SEMA6D: variants seen among roughly 807,000 people sequenced by gnomAD.
SEMA6D encodes the protein semaphorin 6D.
In SEMA6D, 35 loss-of-function variants were observed where a neutral mutation model predicts 106.6. That is an observed-to-expected ratio of 0.33 (90% confidence interval 0.25 to 0.44). The LOEUF (loss-of-function observed/expected upper bound fraction) is 0.44, where lower values mean the gene tolerates loss of function less well. SEMA6D is among the 20% of genes least tolerant of loss of function. The pLI, the probability that SEMA6D is intolerant of heterozygous loss-of-function variation, is 1.00. For synonymous variants in SEMA6D, 499 were observed against 487.7 expected (o/e 1.02, Z -0.31); for missense variants, 1,185 against 1,345.9 (o/e 0.88, Z 1.87).
intron 4 of SEMA6D, among the ~76,000 whole-genome samples, chr15:47,642,036 C>T (rs184754317): frequency 4.6e-5 from 7 of 152,270 alleles, no homozygotes; most frequent in South Asian, 4.1e-4. Flanking sequence ...GGTAGCCACT[C>T]GGTAAATGTT....
intron 3 of SEMA6D, among the ~76,000 whole-genome samples, chr15:47,534,648 G>A (rs1489314965): frequency 6.6e-6 from 1 of 152,070 alleles, no homozygotes; most frequent in African/African-American, 2.4e-5. Flanking sequence ...GCTTGGTCTG[G>A]CAGTATCCCA....
chr15:47,737,632 G>T (rs1423508796), intron 1 of SEMA6D, among the ~76,000 whole-genome samples: 1 of 151,898 alleles, frequency 6.6e-6, no homozygotes, highest in African/African-American at 2.4e-5. Context: ...CTGAATGATT[G>T]CATCATATTT....
chr15:47,761,889 A>C, intron 7 of SEMA6D, 138 bp downstream of exon 7: 1 of 768,192 alleles, frequency 1.3e-6, no homozygotes, highest in Non-Finnish European at 2.0e-6. Context: ...CTATGCACAA[A>C]TTTCCAAAAA....
chr15:47,766,625 A>ATCC lies in SEMA6D; in HGVS notation c.1657_1658insCCT (p.Gly552_Tyr553insSer). The ATCC allele has an allele frequency of 6.2e-7, 1 of 1,613,048 alleles. No individual in the cohort carries two copies. The highest frequency in any genetic ancestry group is 8.5e-7 in the Non-Finnish European group (1 of 1,179,300). ...CTTTCCATAACCACAGTGCTGAAGG[A>ATCC]TATGAACAAGACACAGAATTCGGCA... On this transcript the variant is annotated inframe_insertion, in exon 16 of 19. Coordinates refer to ENST00000536845, the MANE Select transcript of SEMA6D (RefSeq NM_001358351.3).
At chr15:47,625,921 C>T (rs2144351898) in intron 4 of SEMA6D, among the ~76,000 whole-genome samples, 1 of 152,050 alleles carries the variant, frequency 6.6e-6, no homozygotes, top group East Asian at 1.9e-4. Context: ...CTAAAGTAAC[C>T]ATATCTTATT....
chr15:47,209,699 C>T (rs1353283645), intron 1 of SEMA6D, among the ~76,000 whole-genome samples: 7 of 152,242 alleles, frequency 4.6e-5, no homozygotes, highest in Middle Eastern at 3.4e-3. Flanking sequence ...CCCTGGTCCC[C>T]GTCGCCTCTC....
intron 2 of SEMA6D, among the ~76,000 whole-genome samples, chr15:47,450,635 C>T (rs1032432401): frequency 2.6e-5 from 4 of 151,994 alleles, no homozygotes; most frequent in African/African-American, 9.7e-5. Flanking sequence ...ATAAGGTGAC[C>T]TCAAGTGTCC....
intron 3 of SEMA6D, among the ~76,000 whole-genome samples, chr15:47,584,843 C>A (rs2076310073): frequency 6.6e-6 from 1 of 152,080 alleles, no homozygotes; most frequent in African/African-American, 2.4e-5. Context: ...TTTTGAAAAC[C>A]AGACCATGCT....
chr15:47,308,573 C>T (rs2036319129), intron 1 of SEMA6D, among the ~76,000 whole-genome samples: 1 of 152,132 alleles, frequency 6.6e-6, no homozygotes, highest in African/African-American at 2.4e-5. Flanking sequence ...GGTCCAAAGG[C>T]TCTTTGGCAG....
At chr15:47,331,124 T>C (rs1029101840) in intron 1 of SEMA6D, among the ~76,000 whole-genome samples, 2 of 152,192 alleles carry the variant, frequency 1.3e-5, no homozygotes, top group African/African-American at 4.8e-5. Flanking sequence ...CAGTATACTC[T>C]ACCACATCTC....
chr15:47,710,924 C>T lies in SEMA6D; in HGVS notation c.-54-48821C>T, dbSNP rs187150681. On this transcript the variant is annotated intron_variant, in intron 4 of 19. Transcript: ENST00000558014. ...CTTCTAGAAGACAGCCACCAAGGAA[C>T]ATACCCTAGCAATTGTCAAATGAAT... is the stretch of plus-strand genomic sequence containing the variant. Among the ~76,000 whole-genome samples, 30 of 152,310 alleles carry T rather than the reference C, an allele frequency of 2.0e-4. No homozygotes were observed. The East Asian group carries it at 3.3e-3, about 17-fold the overall frequency.
intron 1 of SEMA6D, among the ~76,000 whole-genome samples, chr15:47,309,072 C>T (rs1179552007): frequency 6.6e-6 from 1 of 152,108 alleles, no homozygotes. Context: ...TGCAGATATT[C>T]CTTGGCTTAC....
chr15:47,355,753 A>G (rs1463780542), intron 1 of SEMA6D, among the ~76,000 whole-genome samples: 2 of 152,228 alleles, frequency 1.3e-5, no homozygotes, highest in Non-Finnish European at 2.9e-5. Flanking sequence ...TCTTAAATCT[A>G]GCAGCCTTTT....
At chr15:47,225,250 G>A (rs993160813) in intron 1 of SEMA6D, among the ~76,000 whole-genome samples, 2 of 151,960 alleles carry the variant, frequency 1.3e-5, no homozygotes, top group African/African-American at 4.8e-5. Flanking sequence ...CTTCAAGGTG[G>A]CTGTATCATT....
intron 2 of SEMA6D, among the ~76,000 whole-genome samples, chr15:47,421,778 G>C (rs1595955080): frequency 1.3e-5 from 2 of 152,116 alleles, no homozygotes; most frequent in South Asian, 4.1e-4. Context: ...GGAAAGATGA[G>C]ATGATGGGAA....
intron 2 of SEMA6D, among the ~76,000 whole-genome samples, chr15:47,452,103 C>G (rs2042211780): frequency 6.6e-6 from 1 of 151,934 alleles, no homozygotes; most frequent in Admixed American, 6.6e-5. Context: ...ACCTCTTAGT[C>G]CCTTAAAGCC....
rs185594513 is a variant in SEMA6D, at chr15:47,334,166, G to A, written c.-238-78227G>A. On this transcript the variant is annotated intron_variant, in intron 1 of 19. Coordinates refer to the SEMA6D transcript ENST00000558014. Reference sequence around the variant, plus strand: ...GCTTCCAGATAGCTGAACATGTGGAGGTTCCTGGAGGGTGGTGCACCCAGG... The same window carrying A: ...GCTTCCAGATAGCTGAACATGTGGAAGTTCCTGGAGGGTGGTGCACCCAGG... Among the ~76,000 whole-genome samples, 1,108 of 152,314 alleles carry A rather than the reference G, an allele frequency of 7.3e-3. 21 individuals are homozygous for A. Among genetic ancestry groups the A allele is most frequent in the African/African-American group, 0.025 (1,056 of 41,560 alleles).
chr15:47,552,545 C>CAG (rs1025966287), intron 3 of SEMA6D, among the ~76,000 whole-genome samples: 4 of 145,502 alleles, frequency 2.7e-5, no homozygotes, highest in African/African-American at 1.0e-4. Flanking sequence ...CACACACACA[C>CAG]ACACACACAC....
intron 1 of SEMA6D, among the ~76,000 whole-genome samples, chr15:47,258,167 CTTTG>C (rs1210874706): frequency 6.6e-6 from 1 of 152,082 alleles, no homozygotes; most frequent in Non-Finnish European, 1.5e-5. Context: ...TCAGAGCTTT[CTTTG>C]TTAGCAGCAT....
Sources: allele counts gnomAD v4.1 joint callset (sites outside exome capture counted in the v4.1 genomes callset), GRCh38; gene constraint gnomAD v4.1.1; transcripts MANE v1.5; gene names NCBI Gene and HGNC (gene_info 2026-07-23, HGNC 2026-07-21).